Variants in LRRC7 observed in about 807,000 individuals in gnomAD.
LRRC7 encodes the protein leucine-rich repeat-containing protein 7.
LRRC7 carries 23 observed loss-of-function variants against 175.7 expected under a neutral mutation model. That is an observed-to-expected ratio of 0.13 (90% CI 0.09 to 0.19). LRRC7 has a LOEUF of 0.19. Among genes scored for constraint, LRRC7 ranks in the 10% least tolerant of loss-of-function variants. The pLI is 1.00. For missense variants in LRRC7, 1,354 were observed against 1,904.7 expected (o/e 0.71, Z 5.38); for synonymous variants, 685 against 680.9 (o/e 1.01, Z -0.09).
intron 1 of LRRC7, among the ~76,000 whole-genome samples, chr1:69,664,913 C>T (rs1419362550): frequency 6.6e-6 from 1 of 152,124 alleles, no homozygotes; most frequent in Non-Finnish European, 1.5e-5. Flanking sequence ...TCAATGTTTA[C>T]TTTTAGCAGT....
intron 20 of LRRC7, among the ~76,000 whole-genome samples, 191 bp from the exon 21 acceptor site, chr1:70,037,922 A>G (rs1215498194): frequency 6.6e-6 from 1 of 152,230 alleles, no homozygotes; most frequent in Non-Finnish European, 1.5e-5. Flanking sequence ...TTACTAGGAA[A>G]AAAAAGTTAA....
intron 7 of LRRC7, among the ~76,000 whole-genome samples, chr1:69,875,932 C>T (rs569323241): frequency 2.6e-5 from 4 of 152,164 alleles, no homozygotes; most frequent in East Asian, 3.9e-4. Context: ...CAGTATGTGG[C>T]TACCCATTCT....
At chr1:70,051,865 A>G (rs555189429) in intron 22 of LRRC7, among the ~76,000 whole-genome samples, 4 of 152,060 alleles carry the variant, frequency 2.6e-5, no homozygotes, top group African/African-American at 4.8e-5. Flanking sequence ...AGGTTCTATC[A>G]TTGTTTTTCA....
intron 1 of LRRC7, among the ~76,000 whole-genome samples, chr1:69,622,460 G>A (rs1650770823): frequency 6.6e-6 from 1 of 152,074 alleles, no homozygotes; most frequent in Admixed American, 6.6e-5. Flanking sequence ...TATTATTTTG[G>A]CCCTACCATC....
chr1:69,795,302 C>T (rs879459169), intron 4 of LRRC7, among the ~76,000 whole-genome samples: 1 of 151,744 alleles, frequency 6.6e-6, no homozygotes, highest in Non-Finnish European at 1.5e-5. Context: ...ATTGCTTGAA[C>T]CTGGGAGGCG....
At chr1:69,957,042 T>G (rs1156797216) in intron 8 of LRRC7, among the ~76,000 whole-genome samples, 1 of 151,784 alleles carries the variant, frequency 6.6e-6, no homozygotes, top group Non-Finnish European at 1.5e-5. Flanking sequence ...TCATTTAACA[T>G]ATATTTATTA....
intron 22 of LRRC7, among the ~76,000 whole-genome samples, chr1:70,047,296 A>C (rs1357304639): frequency 1.3e-5 from 2 of 152,118 alleles, no homozygotes; most frequent in Non-Finnish European, 2.9e-5. Flanking sequence ...GGTGTCCTAG[A>C]AAGAATGAAG....
intron 7 of LRRC7, chr1:69,874,456 T>A (rs1046777945): frequency 1.3e-5 from 2 of 152,146 alleles, no homozygotes; most frequent in African/African-American, 4.8e-5. Flanking sequence ...GTTAACTCCT[T>A]TTTGGAACAA....
chr1:69,899,423 A>C (rs1445307195), intron 7 of LRRC7, among the ~76,000 whole-genome samples: 5 of 152,236 alleles, frequency 3.3e-5, no homozygotes, highest in Non-Finnish European at 7.3e-5. Flanking sequence ...AAAATGCCAG[A>C]TGCCAGGGAG....
intron 7 of LRRC7, among the ~76,000 whole-genome samples, chr1:69,910,348 G>T (rs183893520): frequency 1.3e-5 from 2 of 152,116 alleles, no homozygotes; most frequent in African/African-American, 4.8e-5. Flanking sequence ...TGATGGTGAC[G>T]TACAGAAGGG....
At chr1:69,822,019 C>A (rs1266419842) in intron 4 of LRRC7, among the ~76,000 whole-genome samples, 1 of 152,158 alleles carries the variant, frequency 6.6e-6, no homozygotes, top group Non-Finnish European at 1.5e-5. Context: ...TCTTTACTGA[C>A]TTGCTTCAGG....
intron 11 of LRRC7, among the ~76,000 whole-genome samples, chr1:70,010,249 T>C (rs1211654446): frequency 6.6e-6 from 1 of 152,142 alleles, no homozygotes; most frequent in Admixed American, 6.6e-5. Flanking sequence ...CAAATTGCAT[T>C]CAAGCTAACT....
At chr1:69,600,562 G>A (rs1025879706) in intron 1 of LRRC7, among the ~76,000 whole-genome samples, 1 of 152,034 alleles carries the variant, frequency 6.6e-6, no homozygotes, top group African/African-American at 2.4e-5. Flanking sequence ...CATTGATGTT[G>A]ACTTTATATT....
Position 69,678,387 on chromosome 1 carries a change from G to C in LRRC7, c.9G>C (p.Glu3Asp). 6.3e-7 allele frequency: 1 copy of C among 1,589,860 alleles called. No individual in the cohort carries two copies. The highest frequency in any genetic ancestry group is 8.6e-7 in the Non-Finnish European group (1 of 1,166,544). Residue 3 changes from glutamate (E) to aspartate (D), a missense_variant, in exon 2 of 27, where the codon GAG (glutamate) becomes GAC (aspartate). Transcript: ENST00000651989. MM[E>D]NLIRGRNPPQ... ...TTCTGATTCTCTCTTATAGGATGGA[G>C]AACCTAATAAGGGGAAGGAATCCCC...
intron 10 of LRRC7, among the ~76,000 whole-genome samples, chr1:69,994,221 C>T (rs1441931963): frequency 6.6e-6 from 1 of 152,124 alleles, no homozygotes; most frequent in African/African-American, 2.4e-5. Flanking sequence ...AATATTAAAT[C>T]ACAGCTGGCT....
At chr1:69,668,916 A>G (rs751132408) in intron 1 of LRRC7, among the ~76,000 whole-genome samples, 9 of 151,992 alleles carry the variant, frequency 5.9e-5, no homozygotes, top group African/African-American at 1.9e-4. Flanking sequence ...GCTTTTTTTC[A>G]TATGTTTTTT....
chr1:69,921,699 C>T (rs1037956830), intron 7 of LRRC7, among the ~76,000 whole-genome samples: 11 of 152,172 alleles, frequency 7.2e-5, no homozygotes, highest in African/African-American at 2.7e-4. Flanking sequence ...TATCCTGTCC[C>T]CATTGCCCAC....
At chr1:69,996,752 A>T (rs1206132760) in intron 11 of LRRC7, among the ~76,000 whole-genome samples, 2 of 151,726 alleles carry the variant, frequency 1.3e-5, no homozygotes, top group African/African-American at 4.9e-5. Context: ...TGTTCCGTTG[A>T]TCTATATCTC....
At chr1:69,670,765 GAA>G (rs1658955775) in intron 1 of LRRC7, among the ~76,000 whole-genome samples, 1 of 152,062 alleles carries the variant, frequency 6.6e-6, no homozygotes, top group South Asian at 2.1e-4. Flanking sequence ...TCCATTGGGA[GAA>G]GAGTCTTAGC....
Sources: allele counts gnomAD v4.1 joint callset (sites outside exome capture counted in the v4.1 genomes callset), GRCh38; gene constraint gnomAD v4.1.1; transcripts MANE v1.5; gene names NCBI Gene and HGNC (gene_info 2026-07-23, HGNC 2026-07-21).